The following ELOVL5 variants were observed in gnomAD, a reference collection of about 807,000 sequenced individuals.
ELOVL5 encodes ELOVL fatty acid elongase 5.
ELOVL5 carries 8 observed loss-of-function variants against 38.6 expected under a neutral mutation model. The observed-to-expected ratio is 0.21, with a 90% CI of 0.12 to 0.37. The LOEUF is 0.37. Among genes scored for constraint, ELOVL5 ranks in the 10% least tolerant of loss-of-function variants. The probability of loss-of-function intolerance (pLI) is 1.00; values close to 1 mark genes in which losing one functional copy is unlikely to be tolerated. For synonymous variants in ELOVL5, 127 were observed against 133.7 expected (o/e 0.95, Z 0.34); for missense variants, 280 against 367.8 (o/e 0.76, Z 1.95).
intron 1 of ELOVL5, among the ~76,000 whole-genome samples, chr6:53,320,111 T>C (rs957102790): frequency 2.0e-5 from 3 of 152,068 alleles, no homozygotes; most frequent in African/African-American, 7.2e-5. Context: ...GCCCAGAAGT[T>C]TGAGACCAGC....
chr6:53,308,500 A>T (rs1206237027), intron 1 of ELOVL5, among the ~76,000 whole-genome samples: 2 of 152,210 alleles, frequency 1.3e-5, no homozygotes, highest in Non-Finnish European at 2.9e-5. Flanking sequence ...GACTTTCTAG[A>T]GTTTCATATC....
chr6:53,285,981 G>A (rs1766554754), intron 3 of ELOVL5, among the ~76,000 whole-genome samples: 1 of 152,040 alleles, frequency 6.6e-6, no homozygotes, highest in Non-Finnish European at 1.5e-5. Flanking sequence ...AGACCATAAT[G>A]TAAACATAAC....
chr6:53,319,977 A>AT (rs1033933826), intron 1 of ELOVL5, among the ~76,000 whole-genome samples: 5 of 152,196 alleles, frequency 3.3e-5, no homozygotes, highest in African/African-American at 1.2e-4. Context: ...CCAGGTTTAT[A>AT]TATTTGCCCA....
rs1211605888 is a variant in ELOVL5, at chr6:53,291,832, T to C, written c.190A>G (p.Ile64Val). 1 of 1,613,824 alleles carries C rather than the reference T, an allele frequency of 6.2e-7. No individual in the cohort carries two copies. The highest frequency in any genetic ancestry group is 8.5e-7 in the Non-Finnish European group (1 of 1,179,940). ...AGTCCAAGGTTATACACCACTAAAA[T>C]CCCCCGGCAAGAGAATGGCTGTTTA... ...RNKQPFSCRG[I>V]LVVYNLGLTL... is the part of the protein sequence containing the mutation. The change falls in exon 3 of 8, where the codon ATT becomes GTT. Residue 64 changes from isoleucine (I) to valine (V), a missense_variant. Around this residue, in one of 3 missense-constraint regions of ELOVL5, gnomAD observed 150 missense variants for 178.0 expected, o/e 0.84. Transcript: ENST00000304434.
chr6:53,312,895 A>C (rs912880737), intron 1 of ELOVL5, among the ~76,000 whole-genome samples: 32 of 152,344 alleles, frequency 2.1e-4, no homozygotes, highest in African/African-American at 7.5e-4. Flanking sequence ...AATAGTCTGA[A>C]CTATGACTCC....
chr6:53,333,196 G>C (rs1212554518), intron 1 of ELOVL5, among the ~76,000 whole-genome samples: 4 of 152,128 alleles, frequency 2.6e-5, no homozygotes, highest in Non-Finnish European at 5.9e-5. Flanking sequence ...CTATAAAGGT[G>C]GATTACATAT....
In ELOVL5 at chr6:53,269,138, G is replaced by A. The variant is rs764277341; in HGVS notation, c.889C>T (p.Arg297Trp). ...LENNVKPRKL[R>W]KD ...TCAATTCTTTGACTTCAATCCTTCCGCAGCTTCCTTGGCTTCACATTGTTT... is the reference window on the plus strand; with the variant it reads ...TCAATTCTTTGACTTCAATCCTTCCACAGCTTCCTTGGCTTCACATTGTTT... Residue 297 changes from arginine to tryptophan, a missense_variant, in exon 8 of 8, where the codon CGG becomes TGG. Physicochemically the swap from Arg to Trp is moderately radical, Grantham distance 101. This residue lies in a region of ELOVL5 where 125 missense variants were observed against 158.9 expected (regional missense o/e 0.79). Transcript: ENST00000304434. 1.5e-5 allele frequency: 25 copies of A among 1,613,288 alleles called. No homozygotes were observed. The highest frequency in any genetic ancestry group is 4.0e-5 in the African/African-American group (3 of 74,872).
At chr6:53,292,463 G>A (rs1012924421) in intron 2 of ELOVL5, among the ~76,000 whole-genome samples, 3 of 152,238 alleles carry the variant, frequency 2.0e-5, no homozygotes, top group Non-Finnish European at 4.4e-5. Context: ...TGCTATGAGT[G>A]TAATGGTCAA....
intron 1 of ELOVL5, among the ~76,000 whole-genome samples, chr6:53,300,051 C>A (rs1767185450): frequency 6.6e-6 from 1 of 152,118 alleles, no homozygotes; most frequent in African/African-American, 2.4e-5. Context: ...AGGCCCTGGA[C>A]AACAGGCCCT....
At chr6:53,288,013 G>C (rs1467259276) in intron 3 of ELOVL5, 1 of 1,284,550 alleles carries the variant, frequency 7.8e-7, no homozygotes, top group African/African-American at 1.5e-5. Context: ...GAGAAGAGTA[G>C]ACACATTGAA....
chr6:53,328,186 T>C (rs893923102), intron 1 of ELOVL5, among the ~76,000 whole-genome samples: 2 of 152,168 alleles, frequency 1.3e-5, no homozygotes, highest in African/African-American at 4.8e-5. Context: ...AGGGCACAAA[T>C]AGCTATTTAA....
intron 1 of ELOVL5, among the ~76,000 whole-genome samples, chr6:53,300,728 T>A (rs1767216679): frequency 6.6e-6 from 1 of 152,076 alleles, no homozygotes; most frequent in Admixed American, 6.5e-5. Context: ...AGGCCTTCTG[T>A]CCTCCACTCC....
intron 4 of ELOVL5, 47 bp from the exon 5 acceptor site, chr6:53,275,308 C>A: frequency 1.3e-6 from 2 of 1,580,496 alleles, no homozygotes; most frequent in Non-Finnish European, 1.7e-6. Flanking sequence ...CACGGCTTCT[C>A]TGGAATATCA....
intron 1 of ELOVL5, among the ~76,000 whole-genome samples, chr6:53,343,963 GA>G (rs1160661808): frequency 5.3e-5 from 8 of 152,212 alleles, no homozygotes; most frequent in African/African-American, 1.9e-4. Context: ...TCTCACCAGG[GA>G]AAAGTGTAGG....
At chr6:53,288,045 C>T in intron 3 of ELOVL5, 2 of 1,017,664 alleles carry the variant, frequency 2.0e-6, no homozygotes, top group Non-Finnish European at 3.0e-6. Context: ...GAGGACAGAG[C>T]ATCTGCCTAA....
intron 3 of ELOVL5, chr6:53,290,457 C>T (rs1452623269): frequency 3.3e-5 from 5 of 152,122 alleles, no homozygotes; most frequent in Non-Finnish European, 7.4e-5. Context: ...AGTGCTGGGG[C>T]CAGGAGTCAC....
intron 2 of ELOVL5, among the ~76,000 whole-genome samples, chr6:53,294,983 A>G (rs1462135756): frequency 6.6e-6 from 1 of 152,234 alleles, no homozygotes; most frequent in Non-Finnish European, 1.5e-5. Flanking sequence ...AGGTGACATG[A>G]AACCTATTAT....
At chr6:53,286,932 A>T (rs1267810920) in intron 3 of ELOVL5, among the ~76,000 whole-genome samples, 1 of 152,236 alleles carries the variant, frequency 6.6e-6, no homozygotes, top group Non-Finnish European at 1.5e-5. Context: ...AAGGGACTGT[A>T]CTTTAGATGC....
At position 53,303,227 on chromosome 6, in the gene ELOVL5, A is replaced by C. The variant is rs564509014; in HGVS notation, c.-8-7520T>G. ...AATGTTAAAATTCAAAATGTCGTGA[A>C]GACCATAAAGGAAAGAAGATCCAAG... is the stretch of plus-strand genomic sequence containing the variant. On this transcript the variant is annotated intron_variant, in intron 1 of 7. Coordinates refer to ENST00000304434, the MANE Select transcript of ELOVL5 (RefSeq NM_021814.5). 3.9e-5 allele frequency among the ~76,000 whole-genome samples: 6 copies of C among 152,378 alleles called. No individual in the cohort carries two copies. In the East Asian group the frequency reaches 9.6e-4, roughly 24 times the overall value.
Sources: gnomAD v4.1 joint callset for allele counts (sites outside exome capture counted in the v4.1 genomes callset) on GRCh38, gnomAD v4.1.1 for gene constraint, gnomAD v4.1.1 regional missense constraint, MANE v1.5 for transcripts, NCBI Gene and HGNC (gene_info 2026-07-23, HGNC 2026-07-21) for gene names.